SIM1: variants seen among roughly 807,000 people sequenced by gnomAD.
SIM1 encodes the protein SIM bHLH transcription factor 1.
SIM1 carries 18 observed loss-of-function variants against 78.2 expected under a neutral mutation model. That is an observed-to-expected ratio of 0.23 (90% CI 0.16 to 0.34). The LOEUF (loss-of-function observed/expected upper bound fraction) is 0.34. SIM1 is among the 10% of genes least tolerant of loss of function. The pLI is 1.00. For missense variants in SIM1, 939 were observed against 975.1 expected (o/e 0.96, Z 0.49); for synonymous variants, 417 against 385.2 (o/e 1.08, Z -0.97).
intron 9 of SIM1, among the ~76,000 whole-genome samples, chr6:100,433,725 GACCCACCCCCCC>G (rs1381435409): frequency 1.7e-5 from 2 of 114,846 alleles, no homozygotes; most frequent in African/African-American, 6.5e-5. Flanking sequence ...AACAGATTAA[GACCCACCCCCCC>G]ACCCACACAC....
At chr6:100,428,502 T>G (rs200917781) in intron 9 of SIM1, among the ~76,000 whole-genome samples, 1 of 152,294 alleles carries the variant, frequency 6.6e-6, no homozygotes, top group South Asian at 2.1e-4. Flanking sequence ...ACGGGTGCCT[T>G]TTTTGCTTTC....
intron 10 of SIM1, among the ~76,000 whole-genome samples, chr6:100,412,739 GAA>G (rs1192040426): frequency 7.4e-6 from 1 of 135,846 alleles, no homozygotes; most frequent in African/African-American, 2.7e-5. Context: ...AAGAAAGAAA[GAA>G]AGAAAGAAAG....
intron 10 of SIM1, among the ~76,000 whole-genome samples, chr6:100,408,566 T>C (rs6926144): frequency 0.017 from 2,541 of 152,216 alleles, 84 homozygotes; most frequent in African/African-American, 0.057. Context: ...ATATAATCTT[T>C]ACTATGTTGT....
intron 10 of SIM1, among the ~76,000 whole-genome samples, chr6:100,412,744 AAAG>A (rs1771285141): frequency 1.4e-5 from 2 of 138,108 alleles, no homozygotes; most frequent in Non-Finnish European, 3.2e-5. Flanking sequence ...AGAAAGAAAG[AAAG>A]AAAGAAAAAA....
chr6:100,450,659 C>T (rs1772484236), intron 3 of SIM1, among the ~76,000 whole-genome samples: 1 of 143,456 alleles, frequency 7.0e-6, no homozygotes, highest in East Asian at 2.1e-4. Context: ...AAAACACACA[C>T]ACACTGTCTC....
At chr6:100,436,189 C>T (rs1288237888) in intron 9 of SIM1, among the ~76,000 whole-genome samples, 2 of 152,178 alleles carry the variant, frequency 1.3e-5, no homozygotes, top group Admixed American at 6.5e-5. Flanking sequence ...GTACTTTCCT[C>T]CATAAAGGCA....
intron 2 of SIM1, among the ~76,000 whole-genome samples, chr6:100,456,250 C>T (rs571212679): frequency 1.3e-5 from 2 of 152,316 alleles, no homozygotes; most frequent in African/African-American, 2.4e-5. Context: ...CCTAAAGTCT[C>T]GAAGTGGGGT....
chr6:100,407,281 G>A (rs893212031), intron 10 of SIM1, among the ~76,000 whole-genome samples: 2 of 151,972 alleles, frequency 1.3e-5, no homozygotes, highest in African/African-American at 4.8e-5. Context: ...TTACTTTGTT[G>A]CAAATGGCAG....
chr6:100,399,510 TC>T (rs1425832642), intron 10 of SIM1, among the ~76,000 whole-genome samples: 1 of 152,098 alleles, frequency 6.6e-6, no homozygotes, highest in African/African-American at 2.4e-5. Flanking sequence ...GTGAAATTGT[TC>T]TATATGATGA....
intron 10 of SIM1, 83 bp from the exon 11 acceptor site, chr6:100,393,972 A>AT: frequency 7.1e-7 from 1 of 1,400,130 alleles, no homozygotes. Context: ...AACAGCCTTT[A>AT]TTTACTCTAC....
At chr6:100,453,187 C>A (rs996998460) in intron 3 of SIM1, among the ~76,000 whole-genome samples, 1 of 152,178 alleles carries the variant, frequency 6.6e-6, no homozygotes, top group Non-Finnish European at 1.5e-5. Flanking sequence ...AACTCATTAT[C>A]TGGGGGTGTG....
chr6:100,431,674 A>T (rs144163497), intron 9 of SIM1, among the ~76,000 whole-genome samples: 2 of 152,344 alleles, frequency 1.3e-5, no homozygotes, highest in African/African-American at 4.8e-5. Flanking sequence ...AATACTACAC[A>T]GAATACGTAG....
intron 9 of SIM1, among the ~76,000 whole-genome samples, chr6:100,430,393 T>G (rs1355199840): frequency 2.0e-5 from 3 of 152,206 alleles, no homozygotes; most frequent in Admixed American, 2.0e-4. Flanking sequence ...TATGCTGCCC[T>G]TTCAAATGAG....
chr6:100,406,547 G>T (rs1771055239), intron 10 of SIM1, among the ~76,000 whole-genome samples: 1 of 152,070 alleles, frequency 6.6e-6, no homozygotes, highest in African/African-American at 2.4e-5. Context: ...AAGCTTAAAG[G>T]CCCTCCACCA....
intron 9 of SIM1, among the ~76,000 whole-genome samples, chr6:100,442,721 A>G (rs1050256026): frequency 6.6e-6 from 1 of 152,198 alleles, no homozygotes; most frequent in African/African-American, 2.4e-5. Flanking sequence ...TATATATGTT[A>G]TTGGTCAAGT....
At chr6:100,450,512 A>C (rs1034620117) in intron 3 of SIM1, among the ~76,000 whole-genome samples, 156 bp from the exon 4 acceptor site, 7 of 152,278 alleles carry the variant, frequency 4.6e-5, no homozygotes, top group African/African-American at 7.2e-5. Context: ...TAGCCACATG[A>C]GCCCTTTTGT....
At chr6:100,424,980 C>T (rs771553075) in intron 9 of SIM1, among the ~76,000 whole-genome samples, 46 of 151,978 alleles carry the variant, frequency 3.0e-4, no homozygotes, top group Middle Eastern at 3.2e-3. Context: ...TGGCTGTTTC[C>T]CCACCGAAAT....
intron 6 of SIM1, 37 bp downstream of exon 6, chr6:100,449,326 T>C: frequency 6.3e-7 from 1 of 1,580,296 alleles, no homozygotes; most frequent in South Asian, 1.1e-5. Context: ...TCCCGCCTCC[T>C]CTGACTCCAC....
intron 10 of SIM1, among the ~76,000 whole-genome samples, chr6:100,418,155 C>T (rs1771454360): frequency 6.6e-6 from 1 of 151,878 alleles, no homozygotes; most frequent in Non-Finnish European, 1.5e-5. Flanking sequence ...GCCTGAGCAA[C>T]AAAGTGAGAC....
Sources: gnomAD v4.1 joint callset for allele counts (sites outside exome capture counted in the v4.1 genomes callset) on GRCh38, gnomAD v4.1.1 for gene constraint, MANE v1.5 for transcripts, NCBI Gene and HGNC (gene_info 2026-07-23, HGNC 2026-07-21) for gene names.